Variants in SDAD1 observed in about 807,000 individuals in gnomAD.
SDAD1 encodes the protein SDA1 domain containing 1, also known as protein SDA1 homolog.
In SDAD1, 79 loss-of-function variants were observed where a neutral mutation model predicts 100.3. The observed-to-expected ratio is 0.79, with a 90% CI of 0.66 to 0.95. SDAD1 has a LOEUF of 0.95. Ranked by LOEUF, SDAD1 falls within the 40% of genes least tolerant of loss-of-function variation. The pLI is 0.00. For missense variants in SDAD1, 790 were observed against 810.9 expected (o/e 0.97, Z 0.31); for synonymous variants, 267 against 271.4 (o/e 0.98, Z 0.16).
intron 20 of SDAD1, 112 bp downstream of exon 20, chr4:75,957,213 C>A: frequency 2.5e-6 from 2 of 797,132 alleles, no homozygotes; most frequent in East Asian, 2.6e-5. Context: ...TTAATTATAC[C>A]TTTATTTAAA....
intron 20 of SDAD1, among the ~76,000 whole-genome samples, chr4:75,956,715 A>C (rs1728917161): frequency 6.6e-6 from 1 of 152,218 alleles, no homozygotes; most frequent in African/African-American, 2.4e-5. Context: ...TAGCTTTGAT[A>C]AATATAGTGG....
At chr4:75,958,331 T>C (rs1729023132) in intron 17 of SDAD1, among the ~76,000 whole-genome samples, 3 of 152,226 alleles carry the variant, frequency 2.0e-5, no homozygotes, top group African/African-American at 7.2e-5. Context: ...CCATCAAAAC[T>C]GCACTTGTAC....
intron 17 of SDAD1, among the ~76,000 whole-genome samples, chr4:75,959,111 A>C (rs1343735561): frequency 1.4e-4 from 20 of 146,376 alleles, no homozygotes; most frequent in East Asian, 1.4e-3. Context: ...AAAAAAAAAA[A>C]AAAAAAAAAA....
rs1353850659 is a variant in SDAD1 at position 75,990,848 on chromosome 4, T to G, written c.-7A>C. The G allele has an allele frequency of 6.2e-7, 1 of 1,613,986 alleles. No individual in the cohort carries two copies. Among genetic ancestry groups the G allele is most frequent in the Non-Finnish European group, 8.5e-7 (1 of 1,180,008 alleles). ...TGTTGTTTCTGTTGGACATTTTGGC[T>G]GCAGACAGACTTCGCGGCGAGCAGT... On this transcript the variant is annotated 5_prime_UTR_variant, in exon 1 of 22. Coordinates refer to ENST00000356260, the MANE Select transcript of SDAD1 (RefSeq NM_018115.4).
At chr4:75,969,044 A>G (rs940365817) in intron 11 of SDAD1, among the ~76,000 whole-genome samples, 1 of 151,530 alleles carries the variant, frequency 6.6e-6, no homozygotes, top group Non-Finnish European at 1.5e-5. Flanking sequence ...AAAAAAAAAA[A>G]AAAAAAAAAA....
Position 75,966,463 on chromosome 4 carries a change from G to GCAA in SDAD1, c.1046-642_1046-641insTTG, listed in dbSNP as rs1330187003. On this transcript the variant is annotated intron_variant, in intron 12 of 21. Transcript: ENST00000356260. ...GTATACCTCACAAGATTAATGTGAG[G>GCAA]ATTAGACAAAATGACGTATGTAAGG... Among the ~76,000 whole-genome samples, 6 of 152,036 alleles carry GCAA rather than the reference G, an allele frequency of 3.9e-5. No individual in the cohort carries two copies. The East Asian group carries it at 1.2e-3, about 29-fold the overall frequency.
chr4:75,986,449 G>A (rs768242689), intron 1 of SDAD1, among the ~76,000 whole-genome samples: 10 of 151,996 alleles, frequency 6.6e-5, no homozygotes, highest in Non-Finnish European at 1.5e-4. Context: ...ATTTCACTAG[G>A]AATATAAGCA....
chr4:75,959,190 C>G (rs1729094905), intron 17 of SDAD1, among the ~76,000 whole-genome samples: 1 of 151,368 alleles, frequency 6.6e-6, no homozygotes, highest in East Asian at 2.0e-4. Flanking sequence ...CCCACCCACT[C>G]CAATCATAAA....
At position 75,975,963 on chromosome 4, in the gene SDAD1, C is replaced by T. The variant is rs1335535415; in HGVS notation, c.438G>A (p.Lys146=). The change falls in exon 5 of 22, where the codon AAG becomes AAA. Residue 146 remains lysine, a synonymous_variant. Transcript: ENST00000356260. ...TGTTCTTGTGTTTTGCATTTATATT[C>T]TTGATATCAGTCACAATATGTGTGT... is the stretch of plus-strand genomic sequence containing the variant. ...TLYTHIVTDI[K]NINAKHKNNK... is the part of the protein sequence containing the mutation. 1 of 1,603,500 alleles carries T rather than the reference C, an allele frequency of 6.2e-7. No homozygotes were observed. The highest frequency in any genetic ancestry group is 8.5e-7 in the Non-Finnish European group (1 of 1,170,638).
chr4:75,982,258 G>A (rs1258119458), intron 1 of SDAD1, among the ~76,000 whole-genome samples: 1 of 152,146 alleles, frequency 6.6e-6, no homozygotes, highest in Non-Finnish European at 1.5e-5. Context: ...ACTTTTCCTT[G>A]GAATTATCAC....
chr4:75,990,634 G>A (rs1331006853), intron 1 of SDAD1, 118 bp downstream of exon 1: 2 of 1,597,968 alleles, frequency 1.3e-6, no homozygotes, highest in South Asian at 1.1e-5. Flanking sequence ...AGGGACCCCT[G>A]AACCTAACAG....
chr4:75,973,355 C>A lies in SDAD1; in HGVS notation c.673G>T (p.Asp225Tyr). Residue 225 changes from aspartate to tyrosine, a missense_variant, in exon 8 of 22, where the codon GAT becomes TAT. Coordinates refer to ENST00000356260, the MANE Select transcript of SDAD1 (RefSeq NM_018115.4). ...VAALTFFLGKDEDEKQDSDSE... is the reference protein window; with the variant it reads ...VAALTFFLGKYEDEKQDSDSE... ...TCACTGTCCTGTTTTTCATCTTCATCTTTCCCAAGAAAGAATGTCAAAGCG... is the reference window on the plus strand; with the variant it reads ...TCACTGTCCTGTTTTTCATCTTCATATTTCCCAAGAAAGAATGTCAAAGCG... 6.2e-7 allele frequency: 1 copy of A among 1,613,746 alleles called. No homozygotes were observed. The highest frequency in any genetic ancestry group is 2.2e-5 in the East Asian group (1 of 44,786).
intron 9 of SDAD1, among the ~76,000 whole-genome samples, chr4:75,971,013 G>A (rs1729839946): frequency 6.6e-6 from 1 of 152,102 alleles, no homozygotes; most frequent in Non-Finnish European, 1.5e-5. Context: ...AAACACACAA[G>A]GGCCAAATTA....
At chr4:75,970,948 AC>A (rs954328063) in intron 9 of SDAD1, among the ~76,000 whole-genome samples, 16 of 152,264 alleles carry the variant, frequency 1.1e-4, no homozygotes, top group African/African-American at 3.9e-4. Context: ...TTTATAAATT[AC>A]CCAGCCTCAG....
chr4:75,970,300 A>G lies in SDAD1; in HGVS notation c.883+9T>C, dbSNP rs372414909. ...GCCAACAAGGAACTCGGACGTCATA[A>G]TAACGTACCTTGGGGATCATGAATC... On this transcript the variant is annotated intron_variant, in intron 10 of 21. Transcript: ENST00000356260. The G allele has an allele frequency of 1.2e-6, 2 of 1,611,540 alleles. No individual in the cohort carries two copies. The highest frequency in any genetic ancestry group is 8.5e-7 in the Non-Finnish European group (1 of 1,177,876).
chr4:75,955,517 G>C (rs910457534), intron 21 of SDAD1, among the ~76,000 whole-genome samples: 2 of 152,186 alleles, frequency 1.3e-5, no homozygotes, highest in Non-Finnish European at 2.9e-5. Flanking sequence ...GCTGCAGTGA[G>C]TTGTGACTGC....
intron 13 of SDAD1, among the ~76,000 whole-genome samples, chr4:75,964,490 TAAAGAA>T (rs1171174012): frequency 6.6e-6 from 1 of 152,240 alleles, no homozygotes; most frequent in East Asian, 1.9e-4. Context: ...ATTTGCTTAT[TAAAGAA>T]AATCAGAATT....
At chr4:75,976,424 A>C (rs552410861) in intron 4 of SDAD1, among the ~76,000 whole-genome samples, 42 of 152,372 alleles carry the variant, frequency 2.8e-4, no homozygotes, top group African/African-American at 9.6e-4. Flanking sequence ...TACAACATGA[A>C]TGAATCTTGG....
intron 10 of SDAD1, 121 bp from the exon 11 acceptor site, chr4:75,969,520 G>C: frequency 1.6e-6 from 1 of 620,638 alleles, no homozygotes. Context: ...AGGTGAATAT[G>C]TCAATATATG....
Sources: allele counts gnomAD v4.1 joint callset (sites outside exome capture counted in the v4.1 genomes callset), GRCh38; gene constraint gnomAD v4.1.1; transcripts MANE v1.5; gene names NCBI Gene and HGNC (gene_info 2026-07-23, HGNC 2026-07-21).